PACSIN1: variants seen among roughly 807,000 people sequenced by gnomAD.
The protein encoded by PACSIN1 is protein kinase C and casein kinase substrate in neurons protein 1.
In PACSIN1, 15 loss-of-function variants were observed where a neutral mutation model predicts 59.5. The ratio of observed to expected loss-of-function variants is 0.25; its 90% CI spans 0.17 to 0.39. The LOEUF (loss-of-function observed/expected upper bound fraction) is 0.39, where lower values mean the gene tolerates loss of function less well. Among genes scored for constraint, PACSIN1 ranks in the 10% least tolerant of loss-of-function variants. The pLI is 1.00. For missense variants in PACSIN1, 420 were observed against 580.2 expected (o/e 0.72, Z 2.84); for synonymous variants, 210 against 220.6 (o/e 0.95, Z 0.42).
Position 34,529,838 on chromosome 6 carries a change from G to T in PACSIN1, c.785G>T (p.Ser262Ile). The T allele has an allele frequency of 6.2e-7, 1 of 1,613,200 alleles. No homozygotes were observed. The highest frequency in any genetic ancestry group is 8.5e-7 in the Non-Finnish European group (1 of 1,179,636). Residue 262 changes from serine to isoleucine, a missense_variant, in exon 6 of 10, where the codon AGC becomes ATC. Transcript: ENST00000244458. The surrounding 1 kb of genome is among the most constrained non-coding windows in gnomAD (Gnocchi z 6.3). ...IKRHLNLAENSSYIHVYRELE... is the reference protein window; with the variant it reads ...IKRHLNLAENISYIHVYRELE... ...CGGCACCTCAACCTGGCTGAGAACA[G>T]CAGGTACCTGGGCATGGCAGGCACC...
At chr6:34,517,281 T>A (rs1233128357) in intron 1 of PACSIN1, among the ~76,000 whole-genome samples, 1 of 152,064 alleles carries the variant, frequency 6.6e-6, no homozygotes, top group Non-Finnish European at 1.5e-5. Flanking sequence ...TGAGCCCCCA[T>A]CTTCCCTCAC....
At chr6:34,508,595 A>T (rs969418784) in intron 1 of PACSIN1, among the ~76,000 whole-genome samples, 3 of 152,036 alleles carry the variant, frequency 2.0e-5, no homozygotes, top group Non-Finnish European at 4.4e-5. Flanking sequence ...AAACCTTTTT[A>T]CTGTTTTTTA....
chr6:34,524,472 C>G (rs983242765), intron 1 of PACSIN1, among the ~76,000 whole-genome samples: 1 of 152,194 alleles, frequency 6.6e-6, no homozygotes, highest in Admixed American at 6.5e-5. Context: ...ACCAGTTTCT[C>G]TTGTGGTCCT....
chr6:34,472,188 C>G (rs1406825392), intron 1 of PACSIN1, among the ~76,000 whole-genome samples: 1 of 147,980 alleles, frequency 6.8e-6, no homozygotes, highest in Non-Finnish European at 1.5e-5. Flanking sequence ...AGGAGAATCG[C>G]TTGAGCCCAG....
At chr6:34,511,587 TA>T (rs890415452) in intron 1 of PACSIN1, among the ~76,000 whole-genome samples, 1 of 151,968 alleles carries the variant, frequency 6.6e-6, no homozygotes, top group Non-Finnish European at 1.5e-5. Context: ...GGACATTTTC[TA>T]CCCCCGATCT....
Position 34,515,441 on chromosome 6 carries a change from G to A in PACSIN1, c.-63-10802G>A, listed in dbSNP as rs1039588080. Among the ~76,000 whole-genome samples the A allele has an allele frequency of 6.6e-6, 1 of 152,148 alleles. No homozygotes were observed. The highest frequency in any genetic ancestry group is 6.5e-5 in the Admixed American group (1 of 15,282). On this transcript the variant is annotated intron_variant, in intron 1 of 9. Transcript: ENST00000244458. This position sits in a 1 kb window ranked among gnomAD's most constrained non-coding sequence, Gnocchi z 4.4. ...GACAGGGTATGCGGCAGAGGGCAGG[G>A]AGGAGTAAGGATGCCCCTGCCCCAC... is the stretch of plus-strand genomic sequence containing the variant.
intron 1 of PACSIN1, among the ~76,000 whole-genome samples, chr6:34,524,095 G>C (rs1767443118): frequency 6.6e-6 from 1 of 152,166 alleles, no homozygotes; most frequent in Admixed American, 6.5e-5. Flanking sequence ...CCCTCATCTG[G>C]AAGCTGGAGA....
At chr6:34,489,711 A>G (rs1766847155) in intron 1 of PACSIN1, among the ~76,000 whole-genome samples, 1 of 152,200 alleles carries the variant, frequency 6.6e-6, no homozygotes, top group South Asian at 2.1e-4. Context: ...GACTCCACTC[A>G]TCACCTGCCC....
chr6:34,493,239 T>A lies in PACSIN1; in HGVS notation c.-64+26969T>A, dbSNP rs531844012. On this transcript the variant is annotated intron_variant, in intron 1 of 9. Coordinates refer to ENST00000244458, the MANE Select transcript of PACSIN1 (RefSeq NM_020804.5). Reference sequence around the variant, plus strand: ...TATCCCCTGCAGCTGGGGGATGGAGTGTCTTCACCCTGATGCTGGACTTTG... The same window carrying A: ...TATCCCCTGCAGCTGGGGGATGGAGAGTCTTCACCCTGATGCTGGACTTTG... Among the ~76,000 whole-genome samples the A allele has an allele frequency of 6.6e-5, 10 of 152,228 alleles. No individual in the cohort carries two copies. The East Asian group carries it at 1.4e-3, about 21-fold the overall frequency.
chr6:34,532,982 G>C lies in PACSIN1; in HGVS notation c.*452G>C. On this transcript the variant is annotated 3_prime_UTR_variant, in exon 10 of 10. Transcript: ENST00000244458. The surrounding 1 kb of genome is among the most constrained non-coding windows in gnomAD (Gnocchi z 5.2). The stretch of plus-strand genomic sequence containing the variant: ...TTCCTCCACCACCCTGCTCTCAAAG[G>C]CCTCCTCTCCAGACCCCTGGAAGGG... 1 of 155,990 alleles carries C rather than the reference G, an allele frequency of 6.4e-6. No individual in the cohort carries two copies. Among genetic ancestry groups the C allele is most frequent in the Non-Finnish European group, 1.4e-5 (1 of 70,226 alleles). 9.7% of individuals were successfully genotyped at this position (155,990 alleles called of 1,614,324 possible).
chr6:34,497,961 G>C (rs1230742852), intron 1 of PACSIN1, among the ~76,000 whole-genome samples: 1 of 152,188 alleles, frequency 6.6e-6, no homozygotes, highest in Non-Finnish European at 1.5e-5. Flanking sequence ...GCTGCCCATG[G>C]GAATCACCTG....
intron 1 of PACSIN1, among the ~76,000 whole-genome samples, chr6:34,489,095 C>T (rs148668018): frequency 5.2e-4 from 78 of 151,302 alleles, no homozygotes; most frequent in African/African-American, 1.8e-3. Flanking sequence ...GCAGGAGGAT[C>T]GCTTGAGCCA....
chr6:34,528,193 A>T (rs1437442635), intron 3 of PACSIN1, among the ~76,000 whole-genome samples: 1 of 151,578 alleles, frequency 6.6e-6, no homozygotes, highest in Non-Finnish European at 1.5e-5. Context: ...GTGCCAGTAC[A>T]CAAACAACAA....
intron 1 of PACSIN1, among the ~76,000 whole-genome samples, chr6:34,472,186 C>T (rs1304395968): frequency 3.4e-5 from 5 of 146,208 alleles, no homozygotes; most frequent in Admixed American, 1.4e-4. Context: ...GCAGGAGAAT[C>T]GCTTGAGCCC....
chr6:34,503,005 A>G (rs895065243), intron 1 of PACSIN1, among the ~76,000 whole-genome samples: 2 of 152,164 alleles, frequency 1.3e-5, no homozygotes, highest in Non-Finnish European at 2.9e-5. Flanking sequence ...GATGCTTACT[A>G]AAGTCTGAAG....
At chr6:34,480,692 C>A (rs1037860711) in intron 1 of PACSIN1, among the ~76,000 whole-genome samples, 6 of 152,204 alleles carry the variant, frequency 3.9e-5, no homozygotes, top group Non-Finnish European at 8.8e-5. Flanking sequence ...AAAGTTTCTG[C>A]TCTATATATA....
At chr6:34,469,508 G>A (rs1766542660) in intron 1 of PACSIN1, among the ~76,000 whole-genome samples, 1 of 152,218 alleles carries the variant, frequency 6.6e-6, no homozygotes, top group Admixed American at 6.5e-5. Flanking sequence ...GGAAAGCAGG[G>A]AAGGAAGTGG....
intron 1 of PACSIN1, among the ~76,000 whole-genome samples, chr6:34,479,502 TCTTGGC>T (rs1766686037): frequency 6.6e-6 from 1 of 152,242 alleles, no homozygotes; most frequent in Non-Finnish European, 1.5e-5. Flanking sequence ...AATGGCACGA[TCTTGGC>T]CCATTTAGGC....
chr6:34,470,009 C>A (rs1368818201), intron 1 of PACSIN1, among the ~76,000 whole-genome samples: 7 of 152,216 alleles, frequency 4.6e-5, no homozygotes, highest in Admixed American at 4.6e-4. Flanking sequence ...CACTTTGTGG[C>A]TGGTTTCCAG....
Sources: allele counts gnomAD v4.1 joint callset (sites outside exome capture counted in the v4.1 genomes callset), GRCh38; gene constraint gnomAD v4.1.1; non-coding constraint Gnocchi (gnomAD v3.1); transcripts MANE v1.5; gene names NCBI Gene and HGNC (gene_info 2026-07-23, HGNC 2026-07-21).